SPAG17: variants seen among roughly 807,000 people sequenced by gnomAD.
SPAG17 encodes the protein sperm-associated antigen 17.
In SPAG17, 169 loss-of-function variants were observed where a neutral mutation model predicts 273.6. The ratio of observed to expected loss-of-function variants is 0.62; its 90% CI spans 0.55 to 0.70. SPAG17 has a LOEUF of 0.70. Ranked by LOEUF, SPAG17 falls within the 30% of genes least tolerant of loss-of-function variation. The pLI is 0.00. For synonymous variants in SPAG17, 825 were observed against 873.2 expected (o/e 0.94, Z 0.97); for missense variants, 2,557 against 2,627.8 (o/e 0.97, Z 0.59).
chr1:118,184,743 C>A (rs539913309), intron 1 of SPAG17, among the ~76,000 whole-genome samples: 7 of 152,134 alleles, frequency 4.6e-5, no homozygotes, highest in Non-Finnish European at 7.4e-5. Context: ...AACAAAAAGT[C>A]CATAAAAGGA....
rs370437764 is a variant in SPAG17 at position 118,179,231 on chromosome 1, TG to T, written c.87+5839del. 9.3e-4 allele frequency among the ~76,000 whole-genome samples: 141 copies of T among 151,940 alleles called. 1 individual carries two copies. In the South Asian group the frequency reaches 0.028, roughly 31 times the overall value. ...AATCTGCATGGGACTCACATAAAAA[TG>T]GACACATAGACCAATGGAACAGAAT... On this transcript the variant is annotated intron_variant, in intron 1 of 48. Coordinates refer to ENST00000336338, the MANE Select transcript of SPAG17 (RefSeq NM_206996.4).
intron 1 of SPAG17, among the ~76,000 whole-genome samples, chr1:118,155,545 G>A (rs1034516715): frequency 7.9e-5 from 12 of 152,108 alleles, no homozygotes; most frequent in Non-Finnish European, 1.2e-4. Flanking sequence ...ATGATAGGGC[G>A]CCTGTGTCCC....
intron 17 of SPAG17, among the ~76,000 whole-genome samples, chr1:118,069,547 G>A (rs1653357551): frequency 6.6e-6 from 1 of 152,006 alleles, no homozygotes; most frequent in South Asian, 2.1e-4. Context: ...GCTTAGGTGG[G>A]AAAAATATGA....
chr1:118,176,378 T>A lies in SPAG17; in HGVS notation c.87+8693A>T, dbSNP rs75357455. Among the ~76,000 whole-genome samples the A allele has an allele frequency of 5.4e-3, 817 of 152,268 alleles. 5 individuals carry two copies. Among genetic ancestry groups the A allele is most frequent in the African/African-American group, 0.019 (784 of 41,552 alleles). On this transcript the variant is annotated intron_variant, in intron 1 of 48. Transcript: ENST00000336338. ...AACCTGAAAGTGAAGAGGTATTTCA[T>A]GCAACCTGAAACCAAAAACAGAGCA... is the stretch of plus-strand genomic sequence containing the variant.
chr1:118,039,506 A>G, intron 22 of SPAG17, 62 bp from the exon 23 acceptor site: 1 of 1,531,516 alleles, frequency 6.5e-7, no homozygotes, highest in South Asian at 1.1e-5. Context: ...GCTCCTCGAC[A>G]AGATGGTTAC....
intron 1 of SPAG17, among the ~76,000 whole-genome samples, chr1:118,174,878 A>G (rs1660612160): frequency 6.6e-6 from 1 of 152,214 alleles, no homozygotes; most frequent in Admixed American, 6.5e-5. Context: ...CTGTGCTTCA[A>G]AAATGAAGAA....
chr1:118,024,008 T>C (rs1162432634), intron 27 of SPAG17, among the ~76,000 whole-genome samples: 1 of 152,188 alleles, frequency 6.6e-6, no homozygotes, highest in Non-Finnish European at 1.5e-5. Flanking sequence ...CTGGTTTTTA[T>C]TCTTGTATAG....
chr1:118,001,081 A>C (rs1360637221), intron 32 of SPAG17, among the ~76,000 whole-genome samples: 1 of 152,130 alleles, frequency 6.6e-6, no homozygotes, highest in African/African-American at 2.4e-5. Flanking sequence ...TGAGATAATC[A>C]TGTGGTTTTT....
intron 18 of SPAG17, among the ~76,000 whole-genome samples, chr1:118,060,542 T>G (rs926956366): frequency 6.6e-6 from 1 of 152,218 alleles, no homozygotes; most frequent in Non-Finnish European, 1.5e-5. Context: ...TTTATGCTAG[T>G]GTTAAATGTG....
chr1:118,006,811 G>A (rs1293804938), intron 31 of SPAG17, among the ~76,000 whole-genome samples: 1 of 152,126 alleles, frequency 6.6e-6, no homozygotes, highest in East Asian at 1.9e-4. Context: ...TTTTCTAGTG[G>A]GTGTGAAGTG....
chr1:118,176,905 A>G (rs1660722312), intron 1 of SPAG17, among the ~76,000 whole-genome samples: 1 of 152,214 alleles, frequency 6.6e-6, no homozygotes, highest in African/African-American at 2.4e-5. Flanking sequence ...GAAATCTCAA[A>G]AACTACACAA....
intron 40 of SPAG17, 60 bp from the exon 41 acceptor site, chr1:117,984,842 G>C: frequency 9.0e-7 from 1 of 1,109,886 alleles, no homozygotes; most frequent in Non-Finnish European, 1.4e-6. Context: ...AGTGTTGTTT[G>C]TTTGTGCTTT....
At chr1:118,164,160 C>T (rs1015616232) in intron 1 of SPAG17, among the ~76,000 whole-genome samples, 1 of 152,188 alleles carries the variant, frequency 6.6e-6, no homozygotes, top group African/African-American at 2.4e-5. Flanking sequence ...TATAACTACT[C>T]CCATGCTATT....
Position 117,996,561 on chromosome 1 carries a change from C to T in SPAG17, c.4922+37G>A, listed in dbSNP as rs1456180218. ...ATTCCGTTAAAATTCTCCTTGAACT[C>T]AGAATTAAAAGTAAAATTATAGTAT... On this transcript the variant is annotated intron_variant, in intron 33 of 48. Coordinates refer to ENST00000336338, the MANE Select transcript of SPAG17 (RefSeq NM_206996.4). 2.5e-6 allele frequency: 4 copies of T among 1,601,892 alleles called. No individual in the cohort carries two copies. The African/African-American group carries it at 5.4e-5, about 22-fold the overall frequency.
chr1:118,097,436 A>G (rs1655783469), intron 7 of SPAG17, among the ~76,000 whole-genome samples: 1 of 152,228 alleles, frequency 6.6e-6, no homozygotes, highest in African/African-American at 2.4e-5. Flanking sequence ...CATCCTTTTG[A>G]TCCTCATCTA....
chr1:117,996,873 G>A (rs1657718376), intron 32 of SPAG17, 130 bp from the exon 33 acceptor site: 2 of 937,428 alleles, frequency 2.1e-6, no homozygotes, highest in East Asian at 5.0e-5. Context: ...TATTTGCAAG[G>A]TATTGTTTAC....
At chr1:118,095,516 A>C (rs1390730997) in intron 7 of SPAG17, among the ~76,000 whole-genome samples, 1 of 152,198 alleles carries the variant, frequency 6.6e-6, no homozygotes, top group Non-Finnish European at 1.5e-5. Flanking sequence ...CAAGTTCCTG[A>C]TAGGGTATGT....
At chr1:118,012,065 T>C (rs1659529208) in intron 30 of SPAG17, among the ~76,000 whole-genome samples, 163 bp downstream of exon 30, 1 of 152,016 alleles carries the variant, frequency 6.6e-6, no homozygotes, top group Non-Finnish European at 1.5e-5. Context: ...TACTACTAAA[T>C]CCTTATAGAC....
At position 118,008,162 on chromosome 1, in the gene SPAG17, C is replaced by T. The variant is rs780786749; in HGVS notation, c.4469G>A (p.Cys1490Tyr). The change falls in exon 31 of 49, where the codon TGT becomes TAT. Residue 1490 changes from cysteine to tyrosine, a missense_variant. Coordinates refer to ENST00000336338, the MANE Select transcript of SPAG17 (RefSeq NM_206996.4). ...ATAGCGTGAGCTTTCTACCCGCATA[C>T]ACTTCACCTGCCTGGTGACAGTCCG... ...GPRTVTRQVK[C>Y]MRVESSRYAT... 4 of 1,614,022 alleles carry T rather than the reference C, an allele frequency of 2.5e-6. No homozygotes were observed. Among genetic ancestry groups the T allele is most frequent in the Non-Finnish European group, 3.4e-6 (4 of 1,179,972 alleles).
Sources: allele counts gnomAD v4.1 joint callset (sites outside exome capture counted in the v4.1 genomes callset), GRCh38; gene constraint gnomAD v4.1.1; transcripts MANE v1.5; gene names NCBI Gene and HGNC (gene_info 2026-07-23, HGNC 2026-07-21).